SEMA3D: variants seen among roughly 807,000 people sequenced by gnomAD.
SEMA3D encodes semaphorin-3D.
Under a neutral mutation model 100.1 loss-of-function variants are expected in SEMA3D, and 84 were observed. That is an observed-to-expected ratio of 0.84 (90% CI 0.70 to 1.01). The LOEUF is 1.01. Among genes scored for constraint, SEMA3D ranks in the 50% least tolerant of loss-of-function variants. The probability of loss-of-function intolerance (pLI) is 0.00; values close to 1 mark genes in which losing one functional copy is unlikely to be tolerated. For missense variants in SEMA3D, 875 were observed against 934.1 expected, an observed-to-expected ratio of 0.94 and a Z score of 0.82; for synonymous variants, 312 against 320.7, an observed-to-expected ratio of 0.97 and a Z score of 0.29.
chr7:85,219,821 C>T, the SEMA3D span, among the ~76,000 whole-genome samples: 4 of 152,096 alleles, frequency 2.6e-5, no homozygotes, highest in South Asian at 4.1e-4. Flanking sequence ...CAATCTCAAA[C>T]TTTATGAAAG....
intron 2 of SEMA3D, among the ~76,000 whole-genome samples, chr7:85,145,398 C>A (rs1039538933): frequency 1.3e-5 from 2 of 151,932 alleles, no homozygotes; most frequent in Admixed American, 1.3e-4. Flanking sequence ...ATATAAGAAG[C>A]AGAAGCTGGC....
At chr7:85,154,141 T>A (rs564252972) in intron 1 of SEMA3D, among the ~76,000 whole-genome samples, 2 of 152,018 alleles carry the variant, frequency 1.3e-5, no homozygotes, top group Non-Finnish European at 2.9e-5. Flanking sequence ...AGTGCCTTAC[T>A]GCTTGCTTCT....
the SEMA3D span, among the ~76,000 whole-genome samples, chr7:85,198,354 C>A: frequency 6.6e-5 from 10 of 151,696 alleles, no homozygotes; most frequent in Non-Finnish European, 1.3e-4. Flanking sequence ...CTTATTGATT[C>A]TTGTGTGTTA....
At chr7:85,098,074 GAAAA>G (rs1219453579) in intron 3 of SEMA3D, 109 bp from the exon 4 acceptor site, 1 of 558,354 alleles carries the variant, frequency 1.8e-6, no homozygotes, top group Admixed American at 4.1e-5. Flanking sequence ...GAAAAGGAAA[GAAAA>G]AGAAAGAAAG....
chr7:85,228,401 C>T, the SEMA3D span, among the ~76,000 whole-genome samples: 1 of 151,942 alleles, frequency 6.6e-6, no homozygotes, highest in African/African-American at 2.4e-5. Flanking sequence ...ATTCACTAAG[C>T]GGTATGGTAT....
chr7:85,023,238 T>A (rs1373721320), intron 12 of SEMA3D, among the ~76,000 whole-genome samples: 2 of 151,860 alleles, frequency 1.3e-5, no homozygotes, highest in Non-Finnish European at 2.9e-5. Context: ...CCTTTCAGCA[T>A]CCACTAAATC....
intron 4 of SEMA3D, among the ~76,000 whole-genome samples, chr7:85,085,678 G>A (rs924275995): frequency 6.6e-6 from 1 of 152,154 alleles, no homozygotes; most frequent in Non-Finnish European, 1.5e-5. Context: ...AGGGAGCACT[G>A]TGGAGCGCTT....
chr7:85,177,686 T>C (rs1583992554), intron 1 of SEMA3D, among the ~76,000 whole-genome samples: 1 of 152,224 alleles, frequency 6.6e-6, no homozygotes, highest in Admixed American at 6.5e-5. Flanking sequence ...TGAATGTTTT[T>C]AGTAATTCAA....
intron 12 of SEMA3D, among the ~76,000 whole-genome samples, chr7:85,026,359 G>C (rs1259987068): frequency 1.3e-5 from 2 of 152,018 alleles, no homozygotes; most frequent in African/African-American, 4.8e-5. Context: ...CAATATGATA[G>C]AGAGACATGA....
chr7:85,178,870 G>C (rs1791317486), intron 1 of SEMA3D, among the ~76,000 whole-genome samples: 1 of 152,172 alleles, frequency 6.6e-6, no homozygotes, highest in African/African-American at 2.4e-5. Context: ...TCCCTGCTGT[G>C]TGCAGCCTTG....
At position 84,999,643 on chromosome 7, in the gene SEMA3D, A is replaced by G. The variant is rs751177003; in HGVS notation, c.2131T>C (p.Leu711=). The G allele has an allele frequency of 1.9e-6, 3 of 1,613,996 alleles. No individual in the cohort carries two copies. In the South Asian group the frequency reaches 3.3e-5, roughly 18 times the overall value. ...KVKDLLAESR[L]RYKDYIQILS... is the part of the protein sequence containing the mutation. ...ATTTGGATGTAGTCTTTGTATCTCA[A>G]CCGTGACTCAGCCAATAGATCCTTG... The change falls in exon 19 of 19, where the codon TTG becomes CTG. Residue 711 remains leucine (L), a synonymous_variant. Transcript: ENST00000284136.
At chr7:85,008,639 C>T (rs1231249745) in intron 17 of SEMA3D, among the ~76,000 whole-genome samples, 2 of 151,782 alleles carry the variant, frequency 1.3e-5, no homozygotes, top group Non-Finnish European at 3.0e-5. Context: ...ACATAAACCA[C>T]AAGTGGAAAA....
Position 85,073,022 on chromosome 7 carries a change from C to A in SEMA3D, c.435G>T (p.Val145=), listed in dbSNP as rs780519260. 9.9e-6 allele frequency: 16 copies of A among 1,610,986 alleles called. No individual in the cohort carries two copies. The highest frequency in any genetic ancestry group is 1.2e-5 in the Non-Finnish European group (14 of 1,177,548). The change falls in exon 6 of 19, where the codon GTG becomes GTT. Residue 145 remains valine, a synonymous_variant. Coordinates refer to ENST00000284136, the MANE Select transcript of SEMA3D (RefSeq NM_001384900.1). ...TTGGATGAAATGCTCCAGTTCCACA[C>A]ACATATATGTGAGTTTTGTTATAGG... is the stretch of plus-strand genomic sequence containing the variant. The part of the protein sequence containing the change: ...LQPYNKTHIY[V]CGTGAFHPIC...
Position 84,999,801 on chromosome 7 carries a change from T to A in SEMA3D, c.1973A>T (p.Lys658Met). 2 of 1,614,040 alleles carry A rather than the reference T, an allele frequency of 1.2e-6. No homozygotes were observed. Among genetic ancestry groups the A allele is most frequent in the Admixed American group, 3.3e-5 (2 of 59,952 alleles). Reference protein sequence around the residue: ...YGLLIRSLQKKDSGMYYCKAQ... With the variant: ...YGLLIRSLQKMDSGMYYCKAQ... ...TTTGCAGTAATACATCCCAGAATCC[T>A]TCTTCTGCAAACTTCGAATCAGTAG... The change falls in exon 19 of 19, where the codon AAG (lysine) becomes ATG (methionine). Residue 658 changes from lysine (K) to methionine (M), a missense_variant. Transcript: ENST00000284136.
At chr7:85,122,185 T>C (rs1022675702) in intron 2 of SEMA3D, among the ~76,000 whole-genome samples, 2 of 150,602 alleles carry the variant, frequency 1.3e-5, no homozygotes, top group East Asian at 2.0e-4. Context: ...TGTACACCTA[T>C]GTAAGAAACC....
chr7:85,245,301 G>C, the SEMA3D span, among the ~76,000 whole-genome samples: 2 of 152,194 alleles, frequency 1.3e-5, no homozygotes, highest in South Asian at 2.1e-4. Context: ...GCTGAGAATA[G>C]AGATTCAGTA....
At chr7:85,090,806 A>C (rs1163003372) in intron 4 of SEMA3D, among the ~76,000 whole-genome samples, 1 of 152,120 alleles carries the variant, frequency 6.6e-6, no homozygotes, top group Non-Finnish European at 1.5e-5. Context: ...GACTTCCTTA[A>C]AGAAAGGGAA....
chr7:85,049,208 T>C (rs1391604104), intron 9 of SEMA3D, among the ~76,000 whole-genome samples: 2 of 151,646 alleles, frequency 1.3e-5, no homozygotes, highest in African/African-American at 4.8e-5. Context: ...TGGCAGCTAT[T>C]AAACACACTA....
At position 85,055,841 on chromosome 7, in the gene SEMA3D, G is replaced by C; in HGVS notation, c.737C>G (p.Thr246Ser). 1.3e-6 allele frequency: 2 copies of C among 1,563,638 alleles called. No individual in the cohort carries two copies. Among genetic ancestry groups the C allele is most frequent in the South Asian group, 2.3e-5 (2 of 86,130 alleles). ...YWLNGAKFIG[T>S]FFIPDTYNPD... The stretch of plus-strand genomic sequence containing the variant: ...ATTGTAGGTGTCTGGTATGAAGAAA[G>C]TTCCAATAAATTTTGCTCCTGTTTG... Residue 246 changes from threonine to serine, a missense_variant, in exon 9 of 19, where the codon ACT becomes AGT. Physicochemically the swap from Thr to Ser is moderately conservative, Grantham distance 58. Transcript: ENST00000284136.
Sources: gnomAD v4.1 joint callset for allele counts (sites outside exome capture counted in the v4.1 genomes callset) on GRCh38, gnomAD v4.1.1 for gene constraint, MANE v1.5 for transcripts, NCBI Gene and HGNC (gene_info 2026-07-23, HGNC 2026-07-21) for gene names.